The following INPP5A variants were observed in gnomAD, a reference collection of about 807,000 sequenced individuals.
INPP5A encodes inositol polyphosphate-5-phosphatase A, also known as 43 kDa inositol polyphosphate 5-phophatase.
In INPP5A, 14 loss-of-function variants were observed where a neutral mutation model predicts 65.2. The observed-to-expected ratio is 0.21, with a 90% CI of 0.14 to 0.34. The LOEUF is 0.34. Ranked by LOEUF, INPP5A falls within the 10% of genes least tolerant of loss-of-function variation. The probability of loss-of-function intolerance (pLI) is 1.00; values close to 1 mark genes in which losing one functional copy is unlikely to be tolerated. For missense variants in INPP5A, 431 were observed against 545.6 expected (o/e 0.79, Z 2.09); for synonymous variants, 207 against 208.3 (o/e 0.99, Z 0.05).
At chr10:132,719,613 A>G (rs1266821978) in intron 8 of INPP5A, among the ~76,000 whole-genome samples, 402 of 45,034 alleles carry the variant, frequency 8.9e-3, no homozygotes, top group Middle Eastern at 0.042. Context: ...TTCTTTCTGG[A>G]GGCGCCTTAG....
Position 132,574,334 on chromosome 10 carries a change from G to T in INPP5A, c.76-33581G>T, listed in dbSNP as rs184383912. ...TTTTGGGTTGTACGTGCCGTGGGAG[G>T]TTTTGTTGAGATGTTGGGATGTGCG... On this transcript the variant is annotated intron_variant, in intron 1 of 15. Coordinates refer to ENST00000368594, the MANE Select transcript of INPP5A (RefSeq NM_005539.5). 2.0e-4 allele frequency among the ~76,000 whole-genome samples: 30 copies of T among 146,948 alleles called. 1 individual carries two copies. Among genetic ancestry groups the T allele is most frequent in the Admixed American group, 1.6e-3 (24 of 14,770 alleles).
rs535157174 is a variant in INPP5A, at chr10:132,719,336, G to A, written c.648-7485G>A. ...CTTAGGCGGCTGTCTTCAGGGTTCT[G>A]TGGTACCTGGGTTCTGTCTGGGCGC... On this transcript the variant is annotated intron_variant, in intron 8 of 15. Coordinates refer to ENST00000368594, the MANE Select transcript of INPP5A (RefSeq NM_005539.5). 2.6e-3 allele frequency among the ~76,000 whole-genome samples: 384 copies of A among 150,482 alleles called. 2 individuals carry two copies. The highest frequency in any genetic ancestry group is 8.5e-3 in the African/African-American group (349 of 40,968).
chr10:132,706,313 A>C lies in INPP5A; in HGVS notation c.475-2000A>C, dbSNP rs923421424. On this transcript the variant is annotated intron_variant, in intron 6 of 15. Transcript: ENST00000368594. This position sits in a 1 kb window ranked among gnomAD's most constrained non-coding sequence, Gnocchi z 4.7. ...TAAACTCAAAATAAATTCCAGAAAGAAGCAGTGGAGCAGTGTTGGAAGTGA... is the reference window on the plus strand; with the variant it reads ...TAAACTCAAAATAAATTCCAGAAAGCAGCAGTGGAGCAGTGTTGGAAGTGA... Among the ~76,000 whole-genome samples, 12 of 152,258 alleles carry C rather than the reference A, an allele frequency of 7.9e-5. No homozygotes were observed. Among genetic ancestry groups the C allele is most frequent in the African/African-American group, 2.9e-4 (12 of 41,456 alleles).
chr10:132,774,431 A>G lies in INPP5A; in HGVS notation c.978-3240A>G, dbSNP rs556662131. On this transcript the variant is annotated intron_variant, in intron 12 of 15. Coordinates refer to ENST00000368594, the MANE Select transcript of INPP5A (RefSeq NM_005539.5). ...TTTCACCCTGACGCCCACCTGGAGA[A>G]GTGAGGCTGCGCTCCTGCCGCTTCC... is the stretch of plus-strand genomic sequence containing the variant. 4.6e-5 allele frequency among the ~76,000 whole-genome samples: 7 copies of G among 152,276 alleles called. No individual in the cohort carries two copies. In the South Asian group the frequency reaches 1.4e-3, roughly 32 times the overall value.
chr10:132,631,490 C>T (rs556117270), intron 2 of INPP5A, among the ~76,000 whole-genome samples: 8 of 152,250 alleles, frequency 5.3e-5, no homozygotes, highest in Non-Finnish European at 1.2e-4. Context: ...ATTCCCGTGT[C>T]CCTCTGCGCG....
At chr10:132,646,124 G>A (rs1320508170) in intron 3 of INPP5A, among the ~76,000 whole-genome samples, 156 bp downstream of exon 3, 3 of 152,184 alleles carry the variant, frequency 2.0e-5, no homozygotes, top group African/African-American at 7.2e-5. Flanking sequence ...GAGAGGAGTG[G>A]CCCAGACGTG....
intron 4 of INPP5A, among the ~76,000 whole-genome samples, chr10:132,672,819 C>A (rs2072909811): frequency 6.6e-6 from 1 of 152,210 alleles, no homozygotes; most frequent in African/African-American, 2.4e-5. Context: ...ACGCCCCACC[C>A]CACTCCCCTG....
At chr10:132,639,443 C>T (rs1285340035) in intron 2 of INPP5A, among the ~76,000 whole-genome samples, 1 of 151,976 alleles carries the variant, frequency 6.6e-6, no homozygotes, top group Admixed American at 6.6e-5. Flanking sequence ...TACTTCTGTC[C>T]AGTTGGTTTC....
chr10:132,752,482 T>G (rs1590984670), intron 11 of INPP5A, among the ~76,000 whole-genome samples: 3 of 63,774 alleles, frequency 4.7e-5, no homozygotes, highest in African/African-American at 6.5e-5. Flanking sequence ...TGGAGAGGGG[T>G]GCAGAGTGGA....
At chr10:132,710,289 C>T (rs748819363) in intron 7 of INPP5A, 48 bp from the exon 8 acceptor site, 16 of 1,597,126 alleles carry the variant, frequency 1.0e-5, no homozygotes, top group African/African-American at 4.0e-5. Context: ...AAGTGTGACC[C>T]GGAGGCTCCG....
At chr10:132,685,867 A>G (rs1045660502) in intron 4 of INPP5A, among the ~76,000 whole-genome samples, 7 of 152,264 alleles carry the variant, frequency 4.6e-5, no homozygotes, top group Admixed American at 2.0e-4. Flanking sequence ...TCCCGAAATC[A>G]AGCTAAGTGA....
At chr10:132,558,562 G>A (rs913228075) in intron 1 of INPP5A, among the ~76,000 whole-genome samples, 2 of 152,212 alleles carry the variant, frequency 1.3e-5, no homozygotes, top group African/African-American at 4.8e-5. Flanking sequence ...GTCTCCTGTG[G>A]CTGGAAGAGC....
chr10:132,744,343 C>A (rs1158728076), intron 9 of INPP5A, among the ~76,000 whole-genome samples: 1 of 152,230 alleles, frequency 6.6e-6, no homozygotes, highest in African/African-American at 2.4e-5. Context: ...TCCCAGGAGG[C>A]CCTGCTCCCG....
chr10:132,615,206 C>A (rs1475060619), intron 2 of INPP5A, among the ~76,000 whole-genome samples: 1 of 152,262 alleles, frequency 6.6e-6, no homozygotes, highest in Non-Finnish European at 1.5e-5. Flanking sequence ...GAATTCCCAG[C>A]ACTGTCTCGT....
At position 132,659,836 on chromosome 10, in the gene INPP5A, C is replaced by T. The variant is rs2072712420; in HGVS notation, c.306+9331C>T. 1.3e-5 allele frequency among the ~76,000 whole-genome samples: 2 copies of T among 152,258 alleles called. No individual in the cohort carries two copies. On this transcript the variant is annotated intron_variant, in intron 4 of 15. Transcript: ENST00000368594. The surrounding 1 kb of genome is among the most constrained non-coding windows in gnomAD (Gnocchi z 5.5). ...CATGGAGAAGGCCAGTGCCTCATCA[C>T]AGAGCCAGATGCCCACAACAGGATC...
intron 7 of INPP5A, among the ~76,000 whole-genome samples, chr10:132,708,746 C>T (rs1027145865): frequency 2.0e-5 from 3 of 152,244 alleles, no homozygotes; most frequent in Non-Finnish European, 2.9e-5. Context: ...CAGCCTGGTC[C>T]ATCAGCAGAC....
At chr10:132,764,471 G>A (rs941328634) in intron 11 of INPP5A, among the ~76,000 whole-genome samples, 5 of 148,364 alleles carry the variant, frequency 3.4e-5, no homozygotes, top group Non-Finnish European at 4.4e-5. Context: ...TCAGAAACAC[G>A]GTCGGGTCAG....
Position 132,704,651 on chromosome 10 carries a change from G to C in INPP5A, c.475-3662G>C, listed in dbSNP as rs771646134. Among the ~76,000 whole-genome samples, 8 of 152,212 alleles carry C rather than the reference G, an allele frequency of 5.3e-5. No individual in the cohort carries two copies. Among genetic ancestry groups the C allele is most frequent in the Non-Finnish European group, 1.2e-4 (8 of 68,046 alleles). On this transcript the variant is annotated intron_variant, in intron 6 of 15. Transcript: ENST00000368594. The surrounding 1 kb of genome is among the most constrained non-coding windows in gnomAD (Gnocchi z 4.5). ...CCTGGGTGCTGCTGGTGTGGATCCT[G>C]TGCGTGGCTGGGCCGTGGGGGGGCA...
At chr10:132,718,124 G>T (rs2767457) in intron 8 of INPP5A, among the ~76,000 whole-genome samples, 148,049 of 148,162 alleles carry the variant, frequency 1, 73,968 homozygotes, top group Middle Eastern at 1. Context: ...GTACCTGGGA[G>T]CTGTCTGGGC....
Sources: gnomAD v4.1 joint callset for allele counts (sites outside exome capture counted in the v4.1 genomes callset) on GRCh38, gnomAD v4.1.1 for gene constraint, Gnocchi (gnomAD v3.1) non-coding constraint, MANE v1.5 for transcripts, NCBI Gene and HGNC (gene_info 2026-07-23, HGNC 2026-07-21) for gene names.